Variants in HS3ST2 observed in about 807,000 individuals in gnomAD.
HS3ST2 encodes the protein heparan sulfate-glucosamine 3-sulfotransferase 2.
A neutral mutation model predicts 26.3 loss-of-function variants in HS3ST2; 17 were observed. That is an observed-to-expected ratio of 0.65 (90% CI 0.44 to 0.97). The LOEUF (loss-of-function observed/expected upper bound fraction) is 0.97, where lower values mean the gene tolerates loss of function less well. HS3ST2 is among the 50% of genes least tolerant of loss of function. The pLI, the probability that HS3ST2 is intolerant of heterozygous loss-of-function variation, is 0.00. For missense variants in HS3ST2, 402 were observed against 501.2 expected, an observed-to-expected ratio of 0.80 and a Z score of 1.89; for synonymous variants, 237 against 219.2, an observed-to-expected ratio of 1.08 and a Z score of -0.72.
chr16:22,915,820 C>T lies in HS3ST2; in HGVS notation c.*258C>T. 2 of 505,676 alleles carry T rather than the reference C, an allele frequency of 4.0e-6. No homozygotes were observed. Among genetic ancestry groups the T allele is most frequent in the South Asian group, 2.9e-5 (1 of 34,252 alleles). The allele number at this position is 505,676 out of a possible 1,614,324, so 31.3% of individuals were successfully genotyped here. On this transcript the variant is annotated 3_prime_UTR_variant, in exon 2 of 2. Transcript: ENST00000261374. ...GTAAATTCCAGAATCATTCTCCTTT[C>T]TGCCCATAAAGGGCCTTGGAGAATT...
At chr16:22,864,247 T>A (rs959070944) in intron 1 of HS3ST2, among the ~76,000 whole-genome samples, 2 of 152,272 alleles carry the variant, frequency 1.3e-5, no homozygotes, top group South Asian at 2.1e-4. Flanking sequence ...TCAGTGACTG[T>A]CTTAATCAAG....
intron 1 of HS3ST2, among the ~76,000 whole-genome samples, chr16:22,817,686 G>A (rs1030022248): frequency 6.6e-6 from 1 of 152,190 alleles, no homozygotes; most frequent in Non-Finnish European, 1.5e-5. Flanking sequence ...CATAAAGCCA[G>A]GGTCCACTGG....
chr16:22,862,744 C>G (rs1212094386), intron 1 of HS3ST2, among the ~76,000 whole-genome samples: 1 of 152,158 alleles, frequency 6.6e-6, no homozygotes, highest in African/African-American at 2.4e-5. Context: ...TCCAGAGAAG[C>G]CAAGCAATTT....
intron 1 of HS3ST2, among the ~76,000 whole-genome samples, chr16:22,901,852 AAAT>A (rs1323745164): frequency 1.3e-5 from 2 of 152,148 alleles, no homozygotes; most frequent in Non-Finnish European, 2.9e-5. Context: ...TCTTCATCCT[AAAT>A]AATATCAATG....
chr16:22,850,951 G>T (rs1282711747), intron 1 of HS3ST2, among the ~76,000 whole-genome samples: 2 of 152,180 alleles, frequency 1.3e-5, no homozygotes, highest in East Asian at 3.9e-4. Flanking sequence ...GCATGGCTGG[G>T]AGCTGCTTCT....
chr16:22,887,058 C>A (rs1377677831), intron 1 of HS3ST2, among the ~76,000 whole-genome samples: 1 of 152,134 alleles, frequency 6.6e-6, no homozygotes, highest in Non-Finnish European at 1.5e-5. Flanking sequence ...GATCTAATTC[C>A]ACTTTTAAAT....
chr16:22,871,686 G>T lies in HS3ST2; in HGVS notation c.486-43258G>T, dbSNP rs545535346. Among the ~76,000 whole-genome samples the T allele has an allele frequency of 1.8e-4, 28 of 152,274 alleles. 1 individual carries two copies. In the South Asian group the frequency reaches 2.7e-3, roughly 15 times the overall value. On this transcript the variant is annotated intron_variant, in intron 1 of 1. Coordinates refer to ENST00000261374, the MANE Select transcript of HS3ST2 (RefSeq NM_006043.2). ...GCTCGGGAACAGTACCTAGCACATAGTAGATGCTCAATAAATATTTGATGA... is the reference window on the plus strand; with the variant it reads ...GCTCGGGAACAGTACCTAGCACATATTAGATGCTCAATAAATATTTGATGA...
chr16:22,841,122 C>G (rs529678171), intron 1 of HS3ST2, among the ~76,000 whole-genome samples: 1 of 152,018 alleles, frequency 6.6e-6, no homozygotes, highest in Non-Finnish European at 1.5e-5. Context: ...AGTGCAATGG[C>G]GCGATCTCAG....
intron 1 of HS3ST2, among the ~76,000 whole-genome samples, chr16:22,867,790 C>T (rs924676766): frequency 3.9e-5 from 6 of 152,252 alleles, no homozygotes; most frequent in Middle Eastern, 3.4e-3. Flanking sequence ...TCAATCACAT[C>T]CAGGGTATGT....
chr16:22,905,960 G>A (rs1417686784), intron 1 of HS3ST2, among the ~76,000 whole-genome samples: 4 of 152,106 alleles, frequency 2.6e-5, no homozygotes, highest in East Asian at 1.9e-4. Context: ...TCTCCAAGAC[G>A]CACCCAGTTA....
chr16:22,878,465 G>T (rs918431585), intron 1 of HS3ST2, among the ~76,000 whole-genome samples: 1 of 152,158 alleles, frequency 6.6e-6, no homozygotes, highest in African/African-American at 2.4e-5. Flanking sequence ...CTGAGACTTT[G>T]TCCTTGACTA....
intron 1 of HS3ST2, among the ~76,000 whole-genome samples, chr16:22,829,001 G>A (rs1006307320): frequency 6.6e-6 from 1 of 152,156 alleles, no homozygotes; most frequent in Admixed American, 6.5e-5. Flanking sequence ...AAGTACTCAG[G>A]TCAGAGCCAC....
chr16:22,914,584 A>T (rs2141751474), intron 1 of HS3ST2, among the ~76,000 whole-genome samples: 1 of 150,556 alleles, frequency 6.6e-6, no homozygotes, highest in East Asian at 2.0e-4. Context: ...ACACACCTGT[A>T]GTCCCAGCTA....
At chr16:22,820,957 C>T (rs905512142) in intron 1 of HS3ST2, among the ~76,000 whole-genome samples, 2 of 152,110 alleles carry the variant, frequency 1.3e-5, no homozygotes, top group African/African-American at 4.8e-5. Flanking sequence ...ATACTGATTC[C>T]GGAAATGCCC....
chr16:22,894,239 G>A (rs929553453), intron 1 of HS3ST2, among the ~76,000 whole-genome samples: 9 of 152,180 alleles, frequency 5.9e-5, no homozygotes, highest in Non-Finnish European at 1.0e-4. Flanking sequence ...GCCTGCCAGC[G>A]TTCTAGCTTG....
intron 1 of HS3ST2, among the ~76,000 whole-genome samples, chr16:22,893,845 G>A (rs943560653): frequency 7.9e-5 from 12 of 151,630 alleles, no homozygotes; most frequent in African/African-American, 2.7e-4. Context: ...TGGAGTGCAG[G>A]GACACGATCA....
intron 1 of HS3ST2, among the ~76,000 whole-genome samples, chr16:22,875,491 C>T (rs2141194743): frequency 6.6e-6 from 1 of 152,262 alleles, no homozygotes; most frequent in South Asian, 2.1e-4. Flanking sequence ...AGTGATTCTC[C>T]TGCCTCAGTC....
intron 1 of HS3ST2, among the ~76,000 whole-genome samples, chr16:22,854,232 T>C (rs1901558516): frequency 1.3e-5 from 2 of 152,178 alleles, no homozygotes. Context: ...TTAACAGAGG[T>C]AAAGTCTGAG....
At chr16:22,817,349 T>C (rs965496661) in intron 1 of HS3ST2, among the ~76,000 whole-genome samples, 3 of 152,104 alleles carry the variant, frequency 2.0e-5, no homozygotes, top group Non-Finnish European at 4.4e-5. Flanking sequence ...AAAGGCTGTG[T>C]GGTTTGTGCT....
Sources: allele counts gnomAD v4.1 joint callset (sites outside exome capture counted in the v4.1 genomes callset), GRCh38; gene constraint gnomAD v4.1.1; transcripts MANE v1.5; gene names NCBI Gene and HGNC (gene_info 2026-07-23, HGNC 2026-07-21).